Variants in NAPEPLD observed in about 807,000 individuals in gnomAD.
The protein encoded by NAPEPLD is N-acyl-phosphatidylethanolamine-hydrolyzing phospholipase D.
NAPEPLD carries 23 observed loss-of-function variants against 38.1 expected under a neutral mutation model. The observed-to-expected ratio is 0.60, with a 90% CI of 0.43 to 0.86. The LOEUF (loss-of-function observed/expected upper bound fraction) is 0.86, where lower values mean the gene tolerates loss of function less well. NAPEPLD is among the 40% of genes least tolerant of loss of function. The pLI, the probability that NAPEPLD is intolerant of heterozygous loss-of-function variation, is 0.00. For missense variants in NAPEPLD, 411 were observed against 476.8 expected (o/e 0.86, Z 1.28); for synonymous variants, 147 against 162.0 (o/e 0.91, Z 0.71).
At chr7:103,141,901 A>G in intron 1 of NAPEPLD, 2 of 1,020,924 alleles carry the variant, frequency 2.0e-6, no homozygotes, top group South Asian at 1.3e-5. Context: ...AGCAGAGGAC[A>G]CTAGAGGCAA....
chr7:103,110,287 A>G (rs1055026128), intron 4 of NAPEPLD, among the ~76,000 whole-genome samples: 3 of 152,178 alleles, frequency 2.0e-5, no homozygotes, highest in Non-Finnish European at 4.4e-5. Context: ...CACAACAAAA[A>G]AGAGAAAATT....
intron 1 of NAPEPLD, among the ~76,000 whole-genome samples, chr7:103,137,815 C>CAAAAA (rs79429621): frequency 3.7e-5 from 4 of 107,532 alleles, no homozygotes; most frequent in African/African-American, 1.4e-4. Context: ...GATGCTGTCT[C>CAAAAA]AAAAAAAAAA....
chr7:103,139,344 T>G (rs980940917), intron 1 of NAPEPLD, among the ~76,000 whole-genome samples: 1 of 152,142 alleles, frequency 6.6e-6, no homozygotes, highest in Non-Finnish European at 1.5e-5. Context: ...AAAAAAATCA[T>G]AAGAAACCAT....
intron 1 of NAPEPLD, among the ~76,000 whole-genome samples, chr7:103,131,643 G>A (rs1231398198): frequency 6.6e-6 from 1 of 151,366 alleles, no homozygotes; most frequent in Non-Finnish European, 1.5e-5. Flanking sequence ...CTGGGTGACA[G>A]TGAGACTCTG....
upstream of NAPEPLD, chr7:103,149,359 C>A: frequency 8.6e-7 from 1 of 1,158,652 alleles, no homozygotes; most frequent in Non-Finnish European, 1.1e-6. Context: ...AAAGCGCCGC[C>A]GCGTAGCGGG....
rs117671609 is a variant in NAPEPLD, at chr7:103,129,797, C to T, written c.-16-1005G>A. On this transcript the variant is annotated intron_variant, in intron 1 of 4. Coordinates refer to ENST00000465647, the MANE Select transcript of NAPEPLD (RefSeq NM_001122838.3). ...TTCCTCACCTATAAAATGGAGAGAACGTTACTTCCCTCCTAGGTTTATTAA... is the reference window on the plus strand; with the variant it reads ...TTCCTCACCTATAAAATGGAGAGAATGTTACTTCCCTCCTAGGTTTATTAA... Among the ~76,000 whole-genome samples, 693 of 152,254 alleles carry T rather than the reference C, an allele frequency of 4.6e-3. 6 individuals carry two copies. Among genetic ancestry groups the T allele is most frequent in the Non-Finnish European group, 5.9e-3 (402 of 68,020 alleles).
chr7:103,126,316 C>T (rs1470189395), intron 2 of NAPEPLD, among the ~76,000 whole-genome samples: 2 of 152,168 alleles, frequency 1.3e-5, no homozygotes, highest in South Asian at 2.1e-4. Flanking sequence ...ATTCTCTATA[C>T]CTTTAAAAGG....
At chr7:103,119,229 CAT>C (rs1021214960) in intron 3 of NAPEPLD, among the ~76,000 whole-genome samples, 13 of 152,204 alleles carry the variant, frequency 8.5e-5, no homozygotes, top group Admixed American at 8.5e-4. Flanking sequence ...TTTTTTAACT[CAT>C]ATGACTATAA....
chr7:103,135,235 G>A (rs1809785159), intron 1 of NAPEPLD, among the ~76,000 whole-genome samples: 1 of 152,174 alleles, frequency 6.6e-6, no homozygotes, highest in Non-Finnish European at 1.5e-5. Context: ...TTACTATTCT[G>A]TATTTGCTCT....
At chr7:103,108,134 CTTTTTTTT>C (rs56793237) in intron 4 of NAPEPLD, among the ~76,000 whole-genome samples, 13 of 117,546 alleles carry the variant, frequency 1.1e-4, no homozygotes, top group African/African-American at 3.3e-4. Context: ...ATTCAACATT[CTTTTTTTT>C]TTTTTTTTTT....
At chr7:103,113,146 A>T (rs1475788992) in intron 4 of NAPEPLD, among the ~76,000 whole-genome samples, 1 of 152,256 alleles carries the variant, frequency 6.6e-6, no homozygotes, top group Non-Finnish European at 1.5e-5. Flanking sequence ...TATGGAATAT[A>T]CATAATGGAA....
chr7:103,110,475 G>A (rs1432488782), intron 4 of NAPEPLD, among the ~76,000 whole-genome samples: 2 of 152,098 alleles, frequency 1.3e-5, no homozygotes, highest in African/African-American at 4.8e-5. Context: ...CAGAACCAAT[G>A]ACAAAAACCA....
chr7:103,119,592 C>T lies in NAPEPLD; in HGVS notation c.926G>A (p.Gly309Glu). ...GTCTACATACCTCGGTTCATAAGCT[C>T]CGATGGGAATAGCTGCAAGGTCAAA... The part of the protein sequence containing the change: ...GPFDLAAIPI[G>E]AYEPRWFMKY... The change falls in exon 3 of 5, where the codon GGA becomes GAA. Residue 309 changes from glycine to glutamate, a missense_variant. Coordinates refer to ENST00000465647, the MANE Select transcript of NAPEPLD (RefSeq NM_001122838.3). 1 of 1,613,748 alleles carries T rather than the reference C, an allele frequency of 6.2e-7. No individual in the cohort carries two copies. Among genetic ancestry groups the T allele is most frequent in the East Asian group, 2.2e-5 (1 of 44,876 alleles).
intron 1 of NAPEPLD, among the ~76,000 whole-genome samples, chr7:103,146,878 T>C (rs1291181959): frequency 6.6e-6 from 1 of 152,198 alleles, no homozygotes; most frequent in Non-Finnish European, 1.5e-5. Flanking sequence ...GTGTCCTATT[T>C]TCCTCATCTG....
At chr7:103,134,628 C>A (rs1809661593) in intron 1 of NAPEPLD, among the ~76,000 whole-genome samples, 1 of 151,994 alleles carries the variant, frequency 6.6e-6, no homozygotes, top group Non-Finnish European at 1.5e-5. Context: ...CAGAGTGAGA[C>A]TCCATCTCAA....
At chr7:103,141,729 G>T in intron 1 of NAPEPLD, 2 of 856,322 alleles carry the variant, frequency 2.3e-6, no homozygotes, top group South Asian at 1.3e-5. Context: ...CTGCCCTTCC[G>T]GCAGGCCAAG....
chr7:103,132,011 G>A (rs1367478594), intron 1 of NAPEPLD, among the ~76,000 whole-genome samples: 3 of 152,210 alleles, frequency 2.0e-5, no homozygotes, highest in Non-Finnish European at 4.4e-5. Flanking sequence ...CAACTTGGGA[G>A]CCTGAGGCAG....
At chr7:103,116,407 C>T (rs1805586921) in intron 3 of NAPEPLD, among the ~76,000 whole-genome samples, 2 of 152,112 alleles carry the variant, frequency 1.3e-5, no homozygotes, top group African/African-American at 4.8e-5. Flanking sequence ...TAAGTCCTGC[C>T]TCACTGTTAC....
chr7:103,138,134 A>G (rs1013141125), intron 1 of NAPEPLD, among the ~76,000 whole-genome samples: 21 of 150,742 alleles, frequency 1.4e-4, no homozygotes, highest in Non-Finnish European at 1.9e-4. Context: ...TGCGCCACCA[A>G]GCCTGGTTAA....
Sources: allele counts gnomAD v4.1 joint callset (sites outside exome capture counted in the v4.1 genomes callset), GRCh38; gene constraint gnomAD v4.1.1; transcripts MANE v1.5; gene names NCBI Gene and HGNC (gene_info 2026-07-23, HGNC 2026-07-21).